Variants in HUNK observed in about 807,000 individuals in gnomAD.
HUNK encodes the protein hormonally up-regulated neu tumor-associated kinase.
Under a neutral mutation model 61.0 loss-of-function variants are expected in HUNK, and 21 were observed. The observed-to-expected ratio is 0.34, with a 90% CI of 0.24 to 0.50. The LOEUF (loss-of-function observed/expected upper bound fraction) is 0.50, where lower values mean the gene tolerates loss of function less well. Ranked by LOEUF, HUNK falls within the 20% of genes least tolerant of loss-of-function variation. The pLI, the probability that HUNK is intolerant of heterozygous loss-of-function variation, is 0.98. For missense variants in HUNK, 772 were observed against 945.7 expected, an observed-to-expected ratio of 0.82 and a Z score of 2.41; for synonymous variants, 371 against 386.1, an observed-to-expected ratio of 0.96 and a Z score of 0.46.
intron 10 of HUNK, among the ~76,000 whole-genome samples, chr21:31,997,347 C>T (rs773005642): frequency 1.6e-4 from 24 of 152,216 alleles, no homozygotes; most frequent in Non-Finnish European, 2.9e-4. Context: ...GGATGATATT[C>T]TTCCCCCGTT....
rs570029732 is a variant in HUNK, at chr21:31,873,557, C to A, written c.-118C>A. 2 of 830,554 alleles carry A rather than the reference C, an allele frequency of 2.4e-6. No individual in the cohort carries two copies. Among genetic ancestry groups the A allele is most frequent in the South Asian group, 5.4e-5 (1 of 18,566 alleles). The allele number at this position is 830,554 out of a possible 1,614,324, so 51.4% of individuals were successfully genotyped here. A position where few individuals can be genotyped will look rare whatever the true frequency, so the allele number is the denominator to read the frequency against. ...GGCCCCGGGCTCTGGGTGCGGAGACCCAGGCGGGGCTGGGCCCAGGGCGGC... is the reference window on the plus strand; with the variant it reads ...GGCCCCGGGCTCTGGGTGCGGAGACACAGGCGGGGCTGGGCCCAGGGCGGC... On this transcript the variant is annotated 5_prime_UTR_variant, in exon 1 of 11. Coordinates refer to ENST00000270112, the MANE Select transcript of HUNK (RefSeq NM_014586.2). The surrounding 1 kb of genome is among the most constrained non-coding windows in gnomAD (Gnocchi z 6.1).
intron 5 of HUNK, among the ~76,000 whole-genome samples, chr21:31,966,177 T>C (rs1210004808): frequency 6.6e-6 from 1 of 152,234 alleles, no homozygotes; most frequent in Non-Finnish European, 1.5e-5. Context: ...TTTCCATTCC[T>C]GGGTTACTTC....
chr21:31,955,938 C>T (rs545959647), intron 4 of HUNK, among the ~76,000 whole-genome samples: 26 of 152,306 alleles, frequency 1.7e-4, no homozygotes, highest in Middle Eastern at 6.8e-3. Flanking sequence ...GTTTTTTCCT[C>T]CCCTTAACTC....
At chr21:31,985,558 TGG>T (rs1347013201) in intron 8 of HUNK, among the ~76,000 whole-genome samples, 1 of 152,028 alleles carries the variant, frequency 6.6e-6, no homozygotes, top group African/African-American at 2.4e-5. Context: ...AGACAGACCC[TGG>T]GGCAGAGAGA....
At chr21:31,923,925 G>A (rs2052641805) in intron 1 of HUNK, among the ~76,000 whole-genome samples, 1 of 152,180 alleles carries the variant, frequency 6.6e-6, no homozygotes, top group Admixed American at 6.5e-5. Context: ...GGTGTGCACA[G>A]GGCAGGGCGG....
chr21:31,992,308 C>T (rs12165267), intron 9 of HUNK, among the ~76,000 whole-genome samples: 19,298 of 152,208 alleles, frequency 0.13, 1,330 homozygotes, highest in Non-Finnish European at 0.16. Context: ...TAGGCATCTC[C>T]GTCTCCTCCA....
At position 31,924,558 on chromosome 21, in the gene HUNK, A is replaced by G; in HGVS notation, c.352A>G (p.Ile118Val). The change falls in exon 2 of 11, where the codon ATC becomes GTC. Residue 118 changes from isoleucine (I) to valine (V), a missense_variant. By Grantham distance (29) the Ile-to-Val change is conservative. Coordinates refer to ENST00000270112, the MANE Select transcript of HUNK (RefSeq NM_014586.2). This position sits in a 1 kb window ranked among gnomAD's most constrained non-coding sequence, Gnocchi z 5.1. ...GCGAGAGGGTCAGATCCAGCAGATG[A>G]TCCGCCACCCCAATATCACTCAGCT... is the stretch of plus-strand genomic sequence containing the variant. ...LRREGQIQQM[I>V]RHPNITQLLD... 6.2e-7 allele frequency: 1 copy of G among 1,614,182 alleles called. No individual in the cohort carries two copies. Among genetic ancestry groups the G allele is most frequent in the Non-Finnish European group, 8.5e-7 (1 of 1,180,030 alleles).
At chr21:31,993,533 G>A (rs1333626104) in intron 9 of HUNK, among the ~76,000 whole-genome samples, 1 of 152,250 alleles carries the variant, frequency 6.6e-6, no homozygotes, top group African/African-American at 2.4e-5. Flanking sequence ...TGTAGAAGGT[G>A]TTAGCAGGTA....
At chr21:31,893,326 A>C (rs2052403931) in intron 1 of HUNK, among the ~76,000 whole-genome samples, 1 of 152,160 alleles carries the variant, frequency 6.6e-6, no homozygotes. Flanking sequence ...AGGTAATAAA[A>C]AGTTACCTGG....
intron 8 of HUNK, among the ~76,000 whole-genome samples, chr21:31,985,466 G>A (rs2053126281): frequency 6.6e-6 from 1 of 152,190 alleles, no homozygotes. Context: ...CCAGCTGCAG[G>A]ACTCTGTGCG....
intron 5 of HUNK, among the ~76,000 whole-genome samples, chr21:31,965,594 CTTT>C (rs71193162): frequency 4.7e-5 from 6 of 127,468 alleles, no homozygotes; most frequent in African/African-American, 1.2e-4. Context: ...CTTTGTTTTT[CTTT>C]TTTTTTTTTT....
intron 9 of HUNK, among the ~76,000 whole-genome samples, chr21:31,994,458 A>G (rs1284072504): frequency 6.6e-6 from 1 of 152,244 alleles, no homozygotes; most frequent in Non-Finnish European, 1.5e-5. Flanking sequence ...TCTCAACAAC[A>G]TGAATGAAAA....
intron 7 of HUNK, 114 bp downstream of exon 7, chr21:31,974,831 G>T: frequency 9.9e-7 from 1 of 1,013,764 alleles, no homozygotes; most frequent in Non-Finnish European, 1.4e-6. Context: ...TTAATCTAAT[G>T]TGAGGCTGAG....
chr21:31,917,185 A>C (rs765098377), intron 1 of HUNK, among the ~76,000 whole-genome samples: 14 of 151,714 alleles, frequency 9.2e-5, no homozygotes, highest in Non-Finnish European at 1.8e-4. Context: ...GTGTTGTGAG[A>C]AATGCTTTCT....
intron 1 of HUNK, among the ~76,000 whole-genome samples, chr21:31,891,300 C>T (rs555407224): frequency 6.6e-6 from 1 of 152,336 alleles, no homozygotes; most frequent in Admixed American, 6.5e-5. Context: ...TAGCTTGAAC[C>T]CAGGAGGCGG....
rs759652169 is a variant in HUNK at position 31,924,412 on chromosome 21, G to A, written c.262-56G>A. 27 of 1,521,852 alleles carry A rather than the reference G, an allele frequency of 1.8e-5. No individual in the cohort carries two copies. Among genetic ancestry groups the A allele is most frequent in the Non-Finnish European group, 2.3e-5 (26 of 1,123,446 alleles). The allele number at this position is 1,521,852 out of a possible 1,614,324, so 94.3% of individuals were successfully genotyped here. A position where few individuals can be genotyped will look rare whatever the true frequency, so the allele number is the denominator to read the frequency against. ...TTCTTGGGTTCCTGTGAGTAGCCAAGGCATCGCTATTGTCTGTAATGTCTG... is the reference window on the plus strand; with the variant it reads ...TTCTTGGGTTCCTGTGAGTAGCCAAAGCATCGCTATTGTCTGTAATGTCTG... On this transcript the variant is annotated intron_variant, in intron 1 of 10. Transcript: ENST00000270112. The surrounding 1 kb of genome is among the most constrained non-coding windows in gnomAD (Gnocchi z 5.1).
At chr21:31,959,211 C>T (rs1456082446) in intron 5 of HUNK, among the ~76,000 whole-genome samples, 1 of 152,160 alleles carries the variant, frequency 6.6e-6, no homozygotes, top group Non-Finnish European at 1.5e-5. Context: ...CTAACTTCTC[C>T]TTCCTCCTTC....
chr21:31,969,019 C>T (rs534163996), intron 6 of HUNK, among the ~76,000 whole-genome samples: 2 of 152,212 alleles, frequency 1.3e-5, no homozygotes, highest in Admixed American at 1.3e-4. Context: ...GCTGGGATTA[C>T]AGGAACGTGC....
chr21:31,895,289 C>T (rs1382583660), intron 1 of HUNK, among the ~76,000 whole-genome samples: 1 of 152,160 alleles, frequency 6.6e-6, no homozygotes, highest in Non-Finnish European at 1.5e-5. Context: ...GGGCCCAGGG[C>T]TCTCAGACTT....
Sources: allele counts gnomAD v4.1 joint callset (sites outside exome capture counted in the v4.1 genomes callset), GRCh38; gene constraint gnomAD v4.1.1; non-coding constraint Gnocchi (gnomAD v3.1); transcripts MANE v1.5; gene names NCBI Gene and HGNC (gene_info 2026-07-23, HGNC 2026-07-21).